Variants in ADAM12 observed in about 807,000 individuals in gnomAD.
ADAM12 encodes the protein ADAM metallopeptidase domain 12.
ADAM12 carries 70 observed loss-of-function variants against 106.4 expected under a neutral mutation model. The observed-to-expected ratio is 0.66, with a 90% CI of 0.54 to 0.80. ADAM12 has a LOEUF of 0.80. Ranked by LOEUF, ADAM12 falls within the 30% of genes least tolerant of loss-of-function variation. The probability of loss-of-function intolerance (pLI) is 0.00; values close to 1 mark genes in which losing one functional copy is unlikely to be tolerated. For synonymous variants in ADAM12, 420 were observed against 433.5 expected, an observed-to-expected ratio of 0.97 and a Z score of 0.39; for missense variants, 1,010 against 1,171.9, an observed-to-expected ratio of 0.86 and a Z score of 2.02.
At chr10:126,259,944 G>A (rs1958967661) in intron 3 of ADAM12, among the ~76,000 whole-genome samples, 1 of 152,142 alleles carries the variant, frequency 6.6e-6, no homozygotes, top group Non-Finnish European at 1.5e-5. Flanking sequence ...ATGGGAGTTT[G>A]GTCATTGTGA....
At chr10:126,027,794 A>AGG (rs1953902558) in intron 21 of ADAM12, among the ~76,000 whole-genome samples, 2 of 152,128 alleles carry the variant, frequency 1.3e-5, no homozygotes, top group African/African-American at 4.8e-5. Flanking sequence ...CTTGAAAACC[A>AGG]GCACAAGATG....
chr10:126,041,633 A>G, intron 18 of ADAM12: 2 of 987,402 alleles, frequency 2.0e-6, no homozygotes, highest in Non-Finnish European at 2.4e-6. Flanking sequence ...TGATAAATTA[A>G]AAACTAAAAC....
chr10:126,355,975 G>T (rs890499653), intron 1 of ADAM12, among the ~76,000 whole-genome samples: 1 of 152,170 alleles, frequency 6.6e-6, no homozygotes, highest in African/African-American at 2.4e-5. Flanking sequence ...GGCTCTACTT[G>T]AAGGCTCCAC....
intron 1 of ADAM12, among the ~76,000 whole-genome samples, chr10:126,358,092 G>A (rs1030908202): frequency 6.6e-6 from 1 of 151,792 alleles, no homozygotes; most frequent in African/African-American, 2.4e-5. Context: ...GCAGGAGAAT[G>A]GCATGAACCC....
At chr10:126,069,447 C>A (rs1954939180) in intron 12 of ADAM12, among the ~76,000 whole-genome samples, 1 of 152,196 alleles carries the variant, frequency 6.6e-6, no homozygotes, top group African/African-American at 2.4e-5. Flanking sequence ...TAACTGCATG[C>A]AAGCAGTTTG....
At chr10:126,370,590 C>T (rs1255747183) in intron 1 of ADAM12, among the ~76,000 whole-genome samples, 1 of 152,212 alleles carries the variant, frequency 6.6e-6, no homozygotes, top group Non-Finnish European at 1.5e-5. Context: ...TCAGAGCCCA[C>T]AGGACAAGTT....
chr10:126,312,821 C>CCAT (rs1342964755), intron 2 of ADAM12, among the ~76,000 whole-genome samples: 1 of 152,148 alleles, frequency 6.6e-6, no homozygotes, highest in Admixed American at 6.5e-5. Context: ...CGCTGACAAA[C>CCAT]CAGGAACGAT....
chr10:126,064,981 C>T lies in ADAM12; in HGVS notation c.1434G>A (p.Ala478=), dbSNP rs199691405. 399 of 1,611,672 alleles carry T rather than the reference C, an allele frequency of 2.5e-4. No individual in the cohort carries two copies. Among genetic ancestry groups the T allele is most frequent in the Non-Finnish European group, 3.2e-4 (373 of 1,179,142 alleles). Residue 478 remains alanine (A), a synonymous_variant, in exon 14 of 23, where the codon GCG becomes GCA. Transcript: ENST00000448723. This position sits in a 1 kb window ranked among gnomAD's most constrained non-coding sequence, Gnocchi z 4.4. The part of the protein sequence containing the change: ...EDCQLKPAGT[A]CRDSSNSCDL... ...CACAGGAGTTGCTGGAGTCCCTGCA[C>T]GCTGTTCCTGCAGGCTTCAGCTGGA...
intron 18 of ADAM12, among the ~76,000 whole-genome samples, chr10:126,039,821 A>G (rs3781002): frequency 0.26 from 39,236 of 152,184 alleles, 5,431 homozygotes; most frequent in East Asian, 0.43. Flanking sequence ...AGTCCCCAGC[A>G]CAGATTTGCC....
At chr10:126,036,556 C>T (rs886182231) in intron 20 of ADAM12, among the ~76,000 whole-genome samples, 6 of 152,212 alleles carry the variant, frequency 3.9e-5, no homozygotes, top group East Asian at 3.9e-4. Context: ...ATAGAAGGAT[C>T]GATTTTTGTT....
intron 12 of ADAM12, among the ~76,000 whole-genome samples, chr10:126,067,916 T>G (rs2133487648): frequency 6.6e-6 from 1 of 152,336 alleles, no homozygotes. Context: ...ATTAATAAAA[T>G]TTTGTCAATA....
chr10:126,221,022 TTC>T (rs1958081256), intron 3 of ADAM12, among the ~76,000 whole-genome samples: 1 of 152,216 alleles, frequency 6.6e-6, no homozygotes, highest in South Asian at 2.1e-4. Context: ...TGATGGGCAG[TTC>T]TCAGTCATGG....
chr10:126,095,245 T>G (rs1377633823), intron 10 of ADAM12, among the ~76,000 whole-genome samples: 1 of 151,958 alleles, frequency 6.6e-6, no homozygotes, highest in Non-Finnish European at 1.5e-5. Context: ...TAAGAAGTGA[T>G]TGGGTCAGGC....
At chr10:126,113,816 A>G (rs1329708900) in intron 6 of ADAM12, among the ~76,000 whole-genome samples, 1 of 147,376 alleles carries the variant, frequency 6.8e-6, no homozygotes, top group Non-Finnish European at 1.5e-5. Context: ...TGCAGCAAGG[A>G]GGCCATGCAG....
intron 18 of ADAM12, among the ~76,000 whole-genome samples, chr10:126,040,451 C>T (rs1483551424): frequency 6.6e-6 from 1 of 152,218 alleles, no homozygotes; most frequent in Non-Finnish European, 1.5e-5. Context: ...ACTGCAGCAG[C>T]AGCTCCTACT....
intron 3 of ADAM12, among the ~76,000 whole-genome samples, chr10:126,249,362 T>C (rs1958698140): frequency 6.6e-6 from 1 of 152,060 alleles, no homozygotes; most frequent in African/African-American, 2.4e-5. Flanking sequence ...TTTATGTCTG[T>C]GAGGGGAAGC....
At chr10:126,358,528 C>G (rs1015853749) in intron 1 of ADAM12, among the ~76,000 whole-genome samples, 9 of 152,158 alleles carry the variant, frequency 5.9e-5, no homozygotes, top group Admixed American at 2.0e-4. Context: ...AAGCCCACAG[C>G]TAACATCATA....
At chr10:126,142,893 TTGTG>T (rs1392232434) in intron 4 of ADAM12, among the ~76,000 whole-genome samples, 1 of 151,888 alleles carries the variant, frequency 6.6e-6, no homozygotes, top group African/African-American at 2.4e-5. Flanking sequence ...GTGCGTATAT[TTGTG>T]TGTGTGCATG....
At chr10:126,235,167 C>T (rs934780069) in intron 3 of ADAM12, among the ~76,000 whole-genome samples, 1 of 152,230 alleles carries the variant, frequency 6.6e-6, no homozygotes, top group African/African-American at 2.4e-5. Flanking sequence ...CCTGGAAGCC[C>T]AGGCACCTGC....
Sources: gnomAD v4.1 joint callset for allele counts (sites outside exome capture counted in the v4.1 genomes callset) on GRCh38, gnomAD v4.1.1 for gene constraint, Gnocchi (gnomAD v3.1) non-coding constraint, MANE v1.5 for transcripts, NCBI Gene and HGNC (gene_info 2026-07-23, HGNC 2026-07-21) for gene names.